PLA2G5: variants seen among roughly 807,000 people sequenced by gnomAD.
The protein encoded by PLA2G5 is Ca2+-dependent phospholipase A2.
In PLA2G5, 12 loss-of-function variants were observed where a neutral mutation model predicts 15.9. That is an observed-to-expected ratio of 0.76 (90% CI 0.48 to 1.23). The LOEUF is 1.23. PLA2G5 is among the 50% of genes most tolerant of loss of function. PLA2G5 has a pLI of 0.00. For synonymous variants in PLA2G5, 71 were observed against 71.4 expected (o/e 0.99, Z 0.03); for missense variants, 169 against 177.1 (o/e 0.95, Z 0.26).
At chr1:20,031,834 T>C (rs2012965390) in intron 1 of PLA2G5, among the ~76,000 whole-genome samples, 1 of 152,152 alleles carries the variant, frequency 6.6e-6, no homozygotes, top group Admixed American at 6.5e-5. Context: ...AAGTCTGTGA[T>C]CCAGACCCAG....
intron 1 of PLA2G5, among the ~76,000 whole-genome samples, chr1:20,080,876 G>A (rs2015975889): frequency 6.6e-6 from 1 of 151,906 alleles, no homozygotes; most frequent in Non-Finnish European, 1.5e-5. Context: ...GGGGCTATGA[G>A]AGGAGACACC....
At chr1:20,062,736 T>C (rs758349004) in intron 2 of PLA2G5, among the ~76,000 whole-genome samples, 1 of 152,126 alleles carries the variant, frequency 6.6e-6, no homozygotes, top group Non-Finnish European at 1.5e-5. Flanking sequence ...GCCTGTGGAA[T>C]GGAAGGGGCG....
At chr1:20,066,744 T>C (rs1191591069), upstream of PLA2G5, among the ~76,000 whole-genome samples, 2 of 152,116 alleles carry the variant, frequency 1.3e-5, no homozygotes, top group African/African-American at 4.8e-5. Flanking sequence ...TGGTAGCTCA[T>C]GCCTATAATT....
chr1:20,078,998 T>G (rs1022081603), intron 1 of PLA2G5, among the ~76,000 whole-genome samples: 1 of 151,376 alleles, frequency 6.6e-6, no homozygotes, highest in African/African-American at 2.4e-5. Context: ...TAGTCTCAGC[T>G]ACTCGAGAGG....
intron 1 of PLA2G5, among the ~76,000 whole-genome samples, chr1:20,050,697 A>T (rs1049408834): frequency 3.3e-5 from 5 of 152,300 alleles, no homozygotes; most frequent in African/African-American, 1.2e-4. Context: ...TTCTCAAATA[A>T]TAAAGGTTTT....
At chr1:20,089,514 TGGCCA>T (rs2016458455) in intron 3 of PLA2G5, among the ~76,000 whole-genome samples, 1 of 152,150 alleles carries the variant, frequency 6.6e-6, no homozygotes, top group Non-Finnish European at 1.5e-5. Flanking sequence ...CTACCTCCCC[TGGCCA>T]GGACCAAATC....
intron 1 of PLA2G5, among the ~76,000 whole-genome samples, chr1:20,046,898 T>G (rs12410635): frequency 0.29 from 44,462 of 152,114 alleles, 6,644 homozygotes; most frequent in Admixed American, 0.35. Flanking sequence ...CTTCTCTATT[T>G]ACTTTTTCTC....
chr1:20,087,650 A>G (rs2016361834), intron 3 of PLA2G5, among the ~76,000 whole-genome samples: 1 of 152,144 alleles, frequency 6.6e-6, no homozygotes, highest in African/African-American at 2.4e-5. Context: ...CTAGTTTCCA[A>G]TGTCATTCTT....
chr1:20,060,262 T>G (rs1457465651), intron 2 of PLA2G5, among the ~76,000 whole-genome samples: 2 of 136,482 alleles, frequency 1.5e-5, no homozygotes, highest in African/African-American at 5.5e-5. Context: ...TTTTTTTTTT[T>G]TTTTTTTTTG....
At chr1:20,057,460 A>T (rs1236752254) in intron 1 of PLA2G5, among the ~76,000 whole-genome samples, 1 of 151,886 alleles carries the variant, frequency 6.6e-6, no homozygotes, top group Non-Finnish European at 1.5e-5. Context: ...TTTGATTAGT[A>T]TTAGTATGGT....
At chr1:20,057,879 TG>T (rs1163189131) in intron 1 of PLA2G5, among the ~76,000 whole-genome samples, 1 of 151,046 alleles carries the variant, frequency 6.6e-6, no homozygotes, top group Non-Finnish European at 1.5e-5. Flanking sequence ...ATTTTTTTTT[TG>T]ACCCACGTGT....
chr1:20,034,762 G>A (rs1466950398), intron 1 of PLA2G5, among the ~76,000 whole-genome samples: 1 of 152,148 alleles, frequency 6.6e-6, no homozygotes, highest in Non-Finnish European at 1.5e-5. Flanking sequence ...AAGTAACAAG[G>A]TAGATAGTGA....
intron 1 of PLA2G5, among the ~76,000 whole-genome samples, chr1:20,050,698 T>C (rs1415063141): frequency 6.6e-6 from 1 of 152,186 alleles, no homozygotes; most frequent in Non-Finnish European, 1.5e-5. Context: ...TCTCAAATAA[T>C]AAAGGTTTTT....
intron 1 of PLA2G5, among the ~76,000 whole-genome samples, chr1:20,080,678 A>G (rs2015958866): frequency 6.7e-6 from 1 of 149,942 alleles, no homozygotes; most frequent in African/African-American, 2.5e-5. Context: ...TTCCTGTGTG[A>G]CTTACCAGGA....
intron 1 of PLA2G5, among the ~76,000 whole-genome samples, chr1:20,056,886 T>G (rs1282321564): frequency 3.3e-5 from 5 of 152,226 alleles, no homozygotes; most frequent in Admixed American, 3.3e-4. Context: ...TTGATTCAAT[T>G]TATTTAATAG....
chr1:20,051,822 G>A (rs1299850903), intron 1 of PLA2G5, among the ~76,000 whole-genome samples: 5 of 152,164 alleles, frequency 3.3e-5, no homozygotes, highest in African/African-American at 9.7e-5. Flanking sequence ...CTGACCTGAG[G>A]TAAGTAAAGA....
intron 3 of PLA2G5, among the ~76,000 whole-genome samples, chr1:20,088,515 G>A (rs11573278): frequency 0.028 from 4,245 of 151,124 alleles, 85 homozygotes; most frequent in Admixed American, 0.038. Flanking sequence ...ATTATTTAGT[G>A]AATAATTATC....
At chr1:20,073,937 C>T (rs1348505746) in intron 1 of PLA2G5, among the ~76,000 whole-genome samples, 1 of 151,906 alleles carries the variant, frequency 6.6e-6, no homozygotes, top group African/African-American at 2.4e-5. Context: ...ACAAGATGAA[C>T]ATGTTTCCCG....
chr1:20,041,213 C>T (rs2013579318), intron 1 of PLA2G5, among the ~76,000 whole-genome samples: 1 of 152,220 alleles, frequency 6.6e-6, no homozygotes, highest in Admixed American at 6.5e-5. Context: ...TTGGTATCAG[C>T]ATAAGCTAAG....
Sources: allele counts gnomAD v4.1 joint callset (sites outside exome capture counted in the v4.1 genomes callset), GRCh38; gene constraint gnomAD v4.1.1; transcripts MANE v1.5; gene names NCBI Gene and HGNC (gene_info 2026-07-23, HGNC 2026-07-21).